Variants in CDH13 observed in about 807,000 individuals in gnomAD.
CDH13 encodes cadherin-13.
In CDH13, 24 loss-of-function variants were observed where a neutral mutation model predicts 63.8. The ratio of observed to expected loss-of-function variants is 0.38; its 90% CI spans 0.27 to 0.53. The LOEUF (loss-of-function observed/expected upper bound fraction) is 0.53. CDH13 is among the 20% of genes least tolerant of loss of function. CDH13 has a pLI of 0.85. For missense variants in CDH13, 1,049 were observed against 903.1 expected (o/e 1.16, Z -2.07); for synonymous variants, 503 against 355.3 (o/e 1.42, Z -4.67).
chr16:82,963,874 G>C (rs752892106), intron 2 of CDH13, among the ~76,000 whole-genome samples: 1 of 152,128 alleles, frequency 6.6e-6, no homozygotes, highest in African/African-American at 2.4e-5. Flanking sequence ...CAATGGCAAG[G>C]GCACCGGAAA....
intron 5 of CDH13, among the ~76,000 whole-genome samples, chr16:83,277,192 G>T (rs1445892999): frequency 6.6e-6 from 1 of 152,124 alleles, no homozygotes; most frequent in Admixed American, 6.5e-5. Flanking sequence ...AAAGAAGAAA[G>T]GCAGGATAAT....
intron 3 of CDH13, among the ~76,000 whole-genome samples, chr16:83,116,858 A>G (rs2035324614): frequency 6.6e-6 from 1 of 152,198 alleles, no homozygotes; most frequent in African/African-American, 2.4e-5. Context: ...CCCTTTCCAC[A>G]AATCAAATGC....
intron 1 of CDH13, among the ~76,000 whole-genome samples, chr16:82,640,393 A>C (rs1909251647): frequency 1.3e-5 from 2 of 152,228 alleles, no homozygotes; most frequent in Non-Finnish European, 2.9e-5. Flanking sequence ...TTGGGAATTT[A>C]CGAATATGGC....
chr16:83,052,776 CAAAAA>C (rs71148805), intron 3 of CDH13, among the ~76,000 whole-genome samples: 27 of 92,872 alleles, frequency 2.9e-4, no homozygotes, highest in African/African-American at 6.2e-4. Context: ...GACTTTATCT[CAAAAA>C]AAAAAAAAAA....
At chr16:83,068,862 C>G (rs1292623056) in intron 3 of CDH13, among the ~76,000 whole-genome samples, 1 of 152,110 alleles carries the variant, frequency 6.6e-6, no homozygotes, top group African/African-American at 2.4e-5. Context: ...CAATTTCTGG[C>G]CAATGTCTAA....
chr16:82,979,049 G>C (rs1426377635), intron 2 of CDH13, among the ~76,000 whole-genome samples: 1 of 152,228 alleles, frequency 6.6e-6, no homozygotes, highest in Non-Finnish European at 1.5e-5. Context: ...TGAAGTCAAA[G>C]GGGATTATTT....
chr16:83,255,334 G>A lies in CDH13; in HGVS notation c.636+37837G>A, dbSNP rs559145894. Among the ~76,000 whole-genome samples, 69 of 152,234 alleles carry A rather than the reference G, an allele frequency of 4.5e-4. 1 individual carries two copies. The highest frequency in any genetic ancestry group is 4.0e-4 in the Non-Finnish European group (27 of 68,008). ...GCTCCATCCTCCAGGTTTGAACTACGGCTGGTTGCAAGGAGTGTATTTGTG... is the reference window on the plus strand; with the variant it reads ...GCTCCATCCTCCAGGTTTGAACTACAGCTGGTTGCAAGGAGTGTATTTGTG... On this transcript the variant is annotated intron_variant, in intron 5 of 13. Transcript: ENST00000567109.
At chr16:83,063,881 C>T (rs1304645398) in intron 3 of CDH13, among the ~76,000 whole-genome samples, 1 of 152,058 alleles carries the variant, frequency 6.6e-6, no homozygotes, top group African/African-American at 2.4e-5. Context: ...AATTGTGTAA[C>T]ATTTTTGCAG....
chr16:83,274,143 C>G (rs11643763), intron 5 of CDH13, among the ~76,000 whole-genome samples: 15,642 of 152,252 alleles, frequency 0.1, 1,143 homozygotes, highest in Non-Finnish European at 0.15. Context: ...CAAGGTCCCT[C>G]AAAGGAAAGA....
rs2038535478 is a variant in CDH13 at position 83,186,650 on chromosome 16, TG to T, written c.484-30694del. On this transcript the variant is annotated intron_variant, in intron 4 of 13. Coordinates refer to ENST00000567109, the MANE Select transcript of CDH13 (RefSeq NM_001257.5). ...CAAGACTGTAGTATGTCGTCAGGGTTGAGAACCACTGGGTTAAGGAGTTACA... is the reference window on the plus strand; with the variant it reads ...CAAGACTGTAGTATGTCGTCAGGGTTAGAACCACTGGGTTAAGGAGTTACA... Among the ~76,000 whole-genome samples, 3 of 152,338 alleles carry T rather than the reference TG, an allele frequency of 2.0e-5. No homozygotes were observed. In the South Asian group the frequency reaches 6.2e-4, roughly 32 times the overall value.
At chr16:82,703,965 T>G (rs1026831459) in intron 1 of CDH13, among the ~76,000 whole-genome samples, 1 of 152,188 alleles carries the variant, frequency 6.6e-6, no homozygotes, top group African/African-American at 2.4e-5. Context: ...TTTTATCTGT[T>G]TCCAATTTGT....
intron 7 of CDH13, among the ~76,000 whole-genome samples, chr16:83,596,350 C>T (rs778635318): frequency 1.4e-4 from 22 of 152,196 alleles, no homozygotes; most frequent in Non-Finnish European, 2.8e-4. Flanking sequence ...ACCCTACATT[C>T]CTGTTTTCCT....
chr16:82,645,183 C>G lies in CDH13; in HGVS notation c.45+18046C>G, dbSNP rs541331597. On this transcript the variant is annotated intron_variant, in intron 1 of 13. Coordinates refer to ENST00000567109, the MANE Select transcript of CDH13 (RefSeq NM_001257.5). The stretch of plus-strand genomic sequence containing the variant: ...ACGGGCTTCGACGGGGCCCTTCACC[C>G]AGCTCCAGGACCAACTGGGAGCCTG... Among the ~76,000 whole-genome samples, 664 of 152,240 alleles carry G rather than the reference C, an allele frequency of 4.4e-3. 2 individuals are homozygous for G. The highest frequency in any genetic ancestry group is 6.8e-3 in the Non-Finnish European group (461 of 68,018).
At chr16:82,995,552 T>C (rs74429987) in intron 2 of CDH13, among the ~76,000 whole-genome samples, 1 of 152,166 alleles carries the variant, frequency 6.6e-6, no homozygotes, top group African/African-American at 2.4e-5. Flanking sequence ...CAAGCCACCA[T>C]TCCAATTCTG....
At chr16:82,800,946 C>G (rs1306700341) in intron 1 of CDH13, among the ~76,000 whole-genome samples, 1 of 152,116 alleles carries the variant, frequency 6.6e-6, no homozygotes, top group African/African-American at 2.4e-5. Flanking sequence ...TACATTTCAT[C>G]TCACTAAACA....
At chr16:82,735,867 T>C (rs2033645345) in intron 1 of CDH13, among the ~76,000 whole-genome samples, 2 of 152,204 alleles carry the variant, frequency 1.3e-5, no homozygotes, top group Non-Finnish European at 2.9e-5. Flanking sequence ...TAGAATCTAA[T>C]GGGCTTTGCT....
chr16:83,756,876 A>G (rs1411888781), intron 11 of CDH13, among the ~76,000 whole-genome samples: 23 of 152,218 alleles, frequency 1.5e-4, no homozygotes, highest in Admixed American at 1.4e-3. Flanking sequence ...AGCTTCAAGA[A>G]AAAACAACAA....
chr16:83,726,220 G>C (rs1357156147), intron 10 of CDH13: 1 of 152,192 alleles, frequency 6.6e-6, no homozygotes, highest in Non-Finnish European at 1.5e-5. Flanking sequence ...AGGCACCTTA[G>C]AGACCATCAT....
At chr16:82,878,837 C>T (rs907822208) in intron 2 of CDH13, among the ~76,000 whole-genome samples, 1 of 152,028 alleles carries the variant, frequency 6.6e-6, no homozygotes, top group Non-Finnish European at 1.5e-5. Context: ...GAATATCTAA[C>T]ATTGAGGCAT....
Sources: allele counts gnomAD v4.1 joint callset (sites outside exome capture counted in the v4.1 genomes callset), GRCh38; gene constraint gnomAD v4.1.1; transcripts MANE v1.5; gene names NCBI Gene and HGNC (gene_info 2026-07-23, HGNC 2026-07-21).